ESR1: variants seen among roughly 807,000 people sequenced by gnomAD.
ESR1 encodes estrogen receptor.
In ESR1, 12 loss-of-function variants were observed where a neutral mutation model predicts 52.7. The ratio of observed to expected loss-of-function variants is 0.23; its 90% confidence interval spans 0.15 to 0.37. ESR1 has a LOEUF of 0.37. ESR1 is among the 10% of genes least tolerant of loss of function. ESR1 has a pLI of 1.00. For synonymous variants in ESR1, 305 were observed against 316.8 expected (o/e 0.96, Z 0.39); for missense variants, 584 against 779.7 (o/e 0.75, Z 2.99).
intron 2 of ESR1, among the ~76,000 whole-genome samples, chr6:151,711,966 T>A (rs1042570695): frequency 6.6e-6 from 1 of 152,172 alleles, no homozygotes; most frequent in African/African-American, 2.4e-5. Context: ...TCTTCTAGGG[T>A]TTTTATGGTT....
At chr6:151,860,018 C>G (rs190034316) in intron 2 of ESR1, among the ~76,000 whole-genome samples, 12 of 152,252 alleles carry the variant, frequency 7.9e-5, no homozygotes, top group South Asian at 2.1e-4. Flanking sequence ...ATCCCATTCC[C>G]TATAGATATC....
At chr6:151,891,644 C>T (rs1403759381) in intron 3 of ESR1, among the ~76,000 whole-genome samples, 3 of 152,162 alleles carry the variant, frequency 2.0e-5, no homozygotes, top group Non-Finnish European at 4.4e-5. Flanking sequence ...AACCAAGTCT[C>T]CTGACCCATG....
chr6:151,941,095 G>A (rs1214920935), intron 3 of ESR1, among the ~76,000 whole-genome samples: 1 of 152,150 alleles, frequency 6.6e-6, no homozygotes, highest in East Asian at 1.9e-4. Flanking sequence ...CATGAAAGAA[G>A]CATATTATTT....
chr6:151,809,731 C>T lies in ESR1; in HGVS notation c.452+1367C>T, dbSNP rs931364413. Among the ~76,000 whole-genome samples the T allele has an allele frequency of 4.6e-5, 7 of 152,280 alleles. No individual in the cohort carries two copies. The East Asian group carries it at 1.2e-3, about 25-fold the overall frequency. On this transcript the variant is annotated intron_variant, in intron 1 of 7. Transcript: ENST00000206249. ...CGCCTTGGAGAAATTTAGAGCATCCCACAGCCACGCAGATCCAAGCTGTCT... is the reference window on the plus strand; with the variant it reads ...CGCCTTGGAGAAATTTAGAGCATCCTACAGCCACGCAGATCCAAGCTGTCT...
At chr6:151,878,847 T>C (rs1407922787) in intron 2 of ESR1, among the ~76,000 whole-genome samples, 1 of 152,220 alleles carries the variant, frequency 6.6e-6, no homozygotes, top group African/African-American at 2.4e-5. Flanking sequence ...AATTTTAATA[T>C]TCTGCTCCCT....
At chr6:151,858,906 G>C (rs1195641861) in intron 2 of ESR1, among the ~76,000 whole-genome samples, 1 of 152,208 alleles carries the variant, frequency 6.6e-6, no homozygotes, top group Non-Finnish European at 1.5e-5. Flanking sequence ...ATTTAGTAGA[G>C]GCTGTTCCCT....
chr6:151,876,833 C>T (rs980637876), intron 2 of ESR1, among the ~76,000 whole-genome samples: 2 of 151,982 alleles, frequency 1.3e-5, no homozygotes, highest in Non-Finnish European at 2.9e-5. Context: ...GAAAATAGTG[C>T]GGATTATTTT....
Position 151,944,300 on chromosome 6 carries a change from CATGATCAAACGCTCT to C in ESR1, c.890_904del (p.Met297_Ser301del). The C allele has an allele frequency of 1.2e-6, 2 of 1,614,174 alleles. No individual in the cohort carries two copies. Among genetic ancestry groups the C allele is most frequent in the Non-Finnish European group, 1.7e-6 (2 of 1,180,028 alleles). On this transcript the variant is annotated inframe_deletion, in exon 4 of 8. Coordinates refer to ENST00000206249, the MANE Select transcript of ESR1 (RefSeq NM_000125.4). ...CTGCCAACCTTTGGCCAAGCCCGCT[CATGATCAAACGCTCT>C]AAGAAGAACAGCCTGGCCTTGTCCC...
At chr6:151,978,814 C>A (rs2039710908) in intron 4 of ESR1, among the ~76,000 whole-genome samples, 1 of 152,074 alleles carries the variant, frequency 6.6e-6, no homozygotes, top group East Asian at 1.9e-4. Flanking sequence ...CAAATAAAAA[C>A]CATCCCTTAT....
chr6:152,030,910 T>G (rs200635230), intron 5 of ESR1, among the ~76,000 whole-genome samples: 1 of 152,076 alleles, frequency 6.6e-6, no homozygotes, highest in Non-Finnish European at 1.5e-5. Context: ...TCAGCAAATG[T>G]AAAAGAACAG....
chr6:152,098,907 C>T lies in ESR1; in HGVS notation c.1729C>T (p.His577Tyr), dbSNP rs957333139. Residue 577 changes from histidine to tyrosine, a missense_variant, in exon 8 of 8, where the codon CAT (histidine) becomes TAT (tyrosine). Around this residue, in one of 6 missense-constraint regions of ESR1, gnomAD observed 71 missense variants for 66.1 expected, o/e 1.07. Transcript: ENST00000206249. The surrounding 1 kb of genome is among the most constrained non-coding windows in gnomAD (Gnocchi z 5.1). ...GGCCACTGCGGGCTCTACTTCATCG[C>T]ATTCCTTGCAAAAGTATTACATCAC... Reference protein sequence around the residue: ...HLATAGSTSSHSLQKYYITGE... With the variant: ...HLATAGSTSSYSLQKYYITGE... 2 of 1,614,126 alleles carry T rather than the reference C, an allele frequency of 1.2e-6. No individual in the cohort carries two copies. The highest frequency in any genetic ancestry group is 1.7e-6 in the Non-Finnish European group (2 of 1,180,054).
chr6:151,929,919 C>T (rs540785887), intron 3 of ESR1, among the ~76,000 whole-genome samples: 19 of 151,168 alleles, frequency 1.3e-4, no homozygotes, highest in East Asian at 1.9e-4. Flanking sequence ...TTTGGTCTTT[C>T]GTAGTTTTAT....
At chr6:151,659,799 C>A (rs1166744908) in intron 1 of ESR1, among the ~76,000 whole-genome samples, 1 of 152,180 alleles carries the variant, frequency 6.6e-6, no homozygotes, top group East Asian at 1.9e-4. Flanking sequence ...TGTACACATT[C>A]ATTCAAATGT....
In ESR1 at chr6:151,696,471, CAAATAAATAAATAAAT is replaced by C. The variant is rs59140265; in HGVS notation, c.-201-5369_-201-5354del. Among the ~76,000 whole-genome samples, 1,145 of 136,474 alleles carry C rather than the reference CAAATAAATAAATAAAT, an allele frequency of 8.4e-3. 9 individuals carry two copies. The highest frequency in any genetic ancestry group is 0.012 in the Non-Finnish European group (758 of 64,172). 89.5% of individuals were successfully genotyped at this position (136,474 alleles called of 152,430 possible). On this transcript the variant is annotated intron_variant, in intron 1 of 2. Coordinates refer to the ESR1 transcript ENST00000404742. ...TGGGAGACATAGAGAGACTCCATCT[CAAATAAATAAATAAAT>C]AAATAAATAAATAAATAAATAAATA...
In ESR1 at chr6:151,808,453, C is replaced by T. The variant is rs6914438; in HGVS notation, c.452+89C>T. ...GAGGGAGAAGGGAGAGCCTAGGGAGCTGCGGGAGCCGCGGGACGCGCGACC... is the reference window on the plus strand; with the variant it reads ...GAGGGAGAAGGGAGAGCCTAGGGAGTTGCGGGAGCCGCGGGACGCGCGACC... On this transcript the variant is annotated intron_variant, in intron 1 of 7. Coordinates refer to ENST00000206249, the MANE Select transcript of ESR1 (RefSeq NM_000125.4). 0.037 allele frequency: 42,564 copies of T among 1,144,474 alleles called. 4,534 individuals carry two copies. The highest frequency in any genetic ancestry group is 0.29 in the African/African-American group (16,441 of 56,268). The allele number at this position is 1,144,474 out of a possible 1,614,324, so 70.9% of individuals were successfully genotyped here.
intron 4 of ESR1, among the ~76,000 whole-genome samples, chr6:151,966,283 T>C (rs1018504767): frequency 6.6e-6 from 1 of 152,204 alleles, no homozygotes; most frequent in African/African-American, 2.4e-5. Flanking sequence ...TTCTTTCATA[T>C]CACTTGGCAT....
chr6:151,740,285 ATTTTTTT>A (rs386408967), intron 2 of ESR1, among the ~76,000 whole-genome samples: 43 of 107,984 alleles, frequency 4.0e-4, no homozygotes, highest in East Asian at 1.2e-3. Context: ...TGCCTGGCTA[ATTTTTTT>A]TTTTTTTTTT....
Position 152,099,254 on chromosome 6 carries a change from C to T in ESR1, c.*288C>T, listed in dbSNP as rs946600520. The T allele has an allele frequency of 2.0e-6, 1 of 495,718 alleles. No individual in the cohort carries two copies. Among genetic ancestry groups the T allele is most frequent in the Non-Finnish European group, 3.7e-6 (1 of 269,272 alleles). 30.7% of individuals were successfully genotyped at this position (495,718 alleles called of 1,614,324 possible). On this transcript the variant is annotated 3_prime_UTR_variant, in exon 8 of 8. Transcript: ENST00000206249. ...ATTCCCGTAGCTCTTCACAGCTGAA[C>T]TCAGTCTATGGGTTGGGGCTCAGAT...
chr6:151,687,789 C>T (rs3020332), upstream of ESR1, among the ~76,000 whole-genome samples: 69,400 of 151,870 alleles, frequency 0.46, 16,418 homozygotes, highest in African/African-American at 0.54. Flanking sequence ...TGTGACACTA[C>T]CAAGGAATGT....
Sources: gnomAD v4.1 joint callset for allele counts (sites outside exome capture counted in the v4.1 genomes callset) on GRCh38, gnomAD v4.1.1 for gene constraint, gnomAD v4.1.1 regional missense constraint, Gnocchi (gnomAD v3.1) non-coding constraint, MANE v1.5 for transcripts, NCBI Gene and HGNC (gene_info 2026-07-23, HGNC 2026-07-21) for gene names.